The following BTBD2 variants were observed in gnomAD, a reference collection of about 807,000 sequenced individuals.
BTBD2 encodes BTB domain containing 2, also known as BTB/POZ domain-containing protein 2.
A neutral mutation model predicts 44.0 loss-of-function variants in BTBD2; 15 were observed. The observed-to-expected ratio is 0.34, with a 90% CI of 0.23 to 0.53. The LOEUF is 0.53. Ranked by LOEUF, BTBD2 falls within the 20% of genes least tolerant of loss-of-function variation. The pLI is 0.95. For missense variants in BTBD2, 657 were observed against 746.4 expected (o/e 0.88, Z 1.39); for synonymous variants, 443 against 335.9 (o/e 1.32, Z -3.49).
intron 2 of BTBD2, among the ~76,000 whole-genome samples, chr19:1,994,096 C>G (rs1295150795): frequency 1.4e-5 from 2 of 145,604 alleles, no homozygotes; most frequent in African/African-American, 2.5e-5. Flanking sequence ...GCGGGCAGAT[C>G]ACTTGAGGCC....
chr19:1,989,922 G>A (rs766447772), intron 5 of BTBD2, 82 bp downstream of exon 5: 19 of 1,486,296 alleles, frequency 1.3e-5, no homozygotes, highest in Middle Eastern at 1.7e-4. Context: ...CAGTGAACTC[G>A]GGGGCACTAT....
chr19:1,987,294 G>T (rs764024901), intron 6 of BTBD2, 41 bp from the exon 7 acceptor site: 2 of 1,604,522 alleles, frequency 1.2e-6, no homozygotes, highest in African/African-American at 2.7e-5. Context: ...GATACCCAGG[G>T]ATAGCCTAAG....
rs199725672 is a variant in BTBD2, at chr19:1,986,602, G to T, written c.1464C>A (p.His488Gln). ...YGTKGLRKVT[H>Q]ESPTTGAKTC... ...TCTTGGCGCCCGTGGTGGGCGACTCGTGTGTCACCTTGCGCAGGCCTTTGG... is the reference window on the plus strand; with the variant it reads ...TCTTGGCGCCCGTGGTGGGCGACTCTTGTGTCACCTTGCGCAGGCCTTTGG... The change falls in exon 9 of 9, where the codon CAC (histidine) becomes CAA (glutamine). Residue 488 changes from histidine (H) to glutamine (Q), a missense_variant. His to Gln is a conservative substitution (Grantham distance 24). Coordinates refer to ENST00000255608, the MANE Select transcript of BTBD2 (RefSeq NM_017797.4). 6.2e-7 allele frequency: 1 copy of T among 1,613,970 alleles called. No individual in the cohort carries two copies. Among genetic ancestry groups the T allele is most frequent in the South Asian group, 1.1e-5 (1 of 91,090 alleles).
chr19:1,998,832 G>A (rs892892095), intron 1 of BTBD2, among the ~76,000 whole-genome samples: 9 of 152,032 alleles, frequency 5.9e-5, no homozygotes, highest in Non-Finnish European at 1.2e-4. Context: ...AGACGCTCGC[G>A]AAGTGGGATC....
intron 1 of BTBD2, among the ~76,000 whole-genome samples, chr19:2,005,803 T>A (rs998956452): frequency 6.6e-6 from 1 of 151,618 alleles, no homozygotes; most frequent in African/African-American, 2.4e-5. Flanking sequence ...AAAAAATTAT[T>A]TTTTAGCCAA....
At chr19:1,992,228 G>C (rs185833605) in intron 3 of BTBD2, among the ~76,000 whole-genome samples, 170 of 152,120 alleles carry the variant, frequency 1.1e-3, no homozygotes, top group African/African-American at 4.1e-3. Flanking sequence ...AAGTAGTTGA[G>C]ATTCCAGACA....
chr19:2,010,021 G>A (rs1438633499), intron 1 of BTBD2, among the ~76,000 whole-genome samples: 5 of 152,134 alleles, frequency 3.3e-5, no homozygotes, highest in Admixed American at 1.3e-4. Flanking sequence ...GTGTGGTGGC[G>A]GGTGCCTGTA....
intron 1 of BTBD2, among the ~76,000 whole-genome samples, chr19:1,999,529 C>G (rs754602368): frequency 1.3e-5 from 2 of 151,986 alleles, no homozygotes; most frequent in Admixed American, 6.6e-5. Flanking sequence ...AGCCAGGCAT[C>G]GTGGTGAGCA....
chr19:1,988,743 A>C (rs2016130274), intron 5 of BTBD2, among the ~76,000 whole-genome samples: 1 of 152,136 alleles, frequency 6.6e-6, no homozygotes, highest in Middle Eastern at 3.4e-3. Flanking sequence ...AGCTGGGTTT[A>C]CAGGCATGCG....
At chr19:1,998,071 G>A (rs967062051) in intron 1 of BTBD2, among the ~76,000 whole-genome samples, 1 of 137,366 alleles carries the variant, frequency 7.3e-6, no homozygotes, top group Non-Finnish European at 1.6e-5. Flanking sequence ...CTCATTCATC[G>A]CACACTCATT....
At position 2,002,118 on chromosome 19, in the gene BTBD2, G is replaced by A. The variant is rs1040052125; in HGVS notation, c.408-4655C>T. ...GTTTTTACAGGTGTGGTCTCACTCT[G>A]TCACCCAGGCTGAAGTGCAGTGGCA... is the stretch of plus-strand genomic sequence containing the variant. On this transcript the variant is annotated intron_variant, in intron 1 of 8. Coordinates refer to ENST00000255608, the MANE Select transcript of BTBD2 (RefSeq NM_017797.4). Among the ~76,000 whole-genome samples the A allele has an allele frequency of 2.6e-5, 4 of 152,008 alleles. No individual in the cohort carries two copies. The East Asian group carries it at 7.7e-4, about 29-fold the overall frequency.
rs570081996 is a variant in BTBD2 at position 1,995,970 on chromosome 19, T to C, written c.527+1374A>G. Among the ~76,000 whole-genome samples the C allele has an allele frequency of 2.6e-5, 4 of 152,096 alleles. No homozygotes were observed. In the South Asian group the frequency reaches 6.3e-4, roughly 24 times the overall value. On this transcript the variant is annotated intron_variant, in intron 2 of 8. Transcript: ENST00000255608. ...GTGCCCAGCCTGGACTTTGATCTAT[T>C]TGAGTTAATTTTTATATACAGTAAG...
chr19:1,996,136 GCT>G (rs1173949886), intron 2 of BTBD2, among the ~76,000 whole-genome samples: 1 of 152,158 alleles, frequency 6.6e-6, no homozygotes, highest in Non-Finnish European at 1.5e-5. Flanking sequence ...TTATTTCTGA[GCT>G]CTCTGTTCCA....
Position 1,987,550 on chromosome 19 carries a change from G to T in BTBD2, c.1131C>A (p.Phe377Leu). Residue 377 changes from phenylalanine to leucine, a missense_variant, in exon 6 of 9, where the codon TTC becomes TTA. Transcript: ENST00000255608. Reference protein sequence around the residue: ...LRGKECSINRFQQVESRWGYS... With the variant: ...LRGKECSINRLQQVESRWGYS... ...AGCCCCAGCGACTCTCCACCTGCTGGAAGCGGTTGATGCTGCACTCCTTCC... is the reference window on the plus strand; with the variant it reads ...AGCCCCAGCGACTCTCCACCTGCTGTAAGCGGTTGATGCTGCACTCCTTCC... The T allele has an allele frequency of 6.2e-7, 1 of 1,610,896 alleles. No homozygotes were observed.
chr19:2,005,160 C>A (rs77102350), intron 1 of BTBD2, among the ~76,000 whole-genome samples: 1,963 of 152,176 alleles, frequency 0.013, 33 homozygotes, highest in African/African-American at 0.044. Context: ...AATCTGTGAA[C>A]CGCGGTTTGT....
At position 1,990,065 on chromosome 19, in the gene BTBD2, A is replaced by G; in HGVS notation, c.927T>C (p.Val309=). 3 of 1,613,316 alleles carry G rather than the reference A, an allele frequency of 1.9e-6. No homozygotes were observed. The highest frequency in any genetic ancestry group is 2.5e-6 in the Non-Finnish European group (3 of 1,180,010). ...LQVTPENRRK[V]LGKALGLIRF... is the part of the protein sequence containing the mutation. ...GAATGAGGCCCAGGGCCTTGCCCAG[A>G]ACCTTCCGCCTGTTCTCTGGCGTCA... Residue 309 remains valine (V), a synonymous_variant, in exon 5 of 9, where the codon GTT becomes GTC. Coordinates refer to ENST00000255608, the MANE Select transcript of BTBD2 (RefSeq NM_017797.4).
chr19:2,011,274 C>G (rs1439912515), intron 1 of BTBD2, among the ~76,000 whole-genome samples: 2 of 152,112 alleles, frequency 1.3e-5, no homozygotes, highest in African/African-American at 4.8e-5. Flanking sequence ...CAAAGAGGAC[C>G]TGCATCCTCT....
intron 1 of BTBD2, among the ~76,000 whole-genome samples, chr19:2,011,885 T>C (rs56659986): frequency 6.6e-6 from 1 of 151,958 alleles, no homozygotes; most frequent in Non-Finnish European, 1.5e-5. Context: ...GACAGAGTCT[T>C]GCTCTGTCGC....
At chr19:1,994,405 G>A (rs369288934) in intron 2 of BTBD2, among the ~76,000 whole-genome samples, 1 of 152,138 alleles carries the variant, frequency 6.6e-6, no homozygotes, top group Non-Finnish European at 1.5e-5. Context: ...AGAGGCGAGA[G>A]GATTGCCTGA....
Sources: gnomAD v4.1 joint callset for allele counts (sites outside exome capture counted in the v4.1 genomes callset) on GRCh38, gnomAD v4.1.1 for gene constraint, MANE v1.5 for transcripts, NCBI Gene and HGNC (gene_info 2026-07-23, HGNC 2026-07-21) for gene names.